The following WWOX variants were observed in gnomAD, a reference collection of about 807,000 sequenced individuals.
The protein encoded by WWOX is WW domain containing oxidoreductase, also known as WW domain-containing oxidoreductase.
In WWOX, 69 loss-of-function variants were observed where a neutral mutation model predicts 46.2. The ratio of observed to expected loss-of-function variants is 1.49; its 90% confidence interval spans 1.23 to 1.82. The LOEUF is 1.82. WWOX is among the 40% of genes most tolerant of loss of function. WWOX has a pLI of 0.00. For missense variants in WWOX, 919 were observed against 542.6 expected (o/e 1.69, Z -6.89); for synonymous variants, 359 against 202.6 (o/e 1.77, Z -6.56).
At chr16:78,209,204 A>C (rs1346425011) in intron 5 of WWOX, among the ~76,000 whole-genome samples, 1 of 151,936 alleles carries the variant, frequency 6.6e-6, no homozygotes, top group Non-Finnish European at 1.5e-5. Flanking sequence ...AAATAAGTTT[A>C]CATTTGTTGT....
At chr16:78,570,850 A>C (rs1042803049) in intron 8 of WWOX, among the ~76,000 whole-genome samples, 1 of 152,316 alleles carries the variant, frequency 6.6e-6, no homozygotes, top group South Asian at 2.1e-4. Context: ...GGGCGGGGCA[A>C]GCTTTGGAAA....
intron 8 of WWOX, among the ~76,000 whole-genome samples, chr16:78,618,428 C>T (rs2046084000): frequency 6.6e-6 from 1 of 152,188 alleles, no homozygotes; most frequent in Non-Finnish European, 1.5e-5. Flanking sequence ...AGATGACCAT[C>T]TTCTCTGTCT....
intron 8 of WWOX, among the ~76,000 whole-genome samples, chr16:78,709,498 A>G (rs2048393624): frequency 6.6e-6 from 1 of 152,158 alleles, no homozygotes; most frequent in Non-Finnish European, 1.5e-5. Context: ...TCTCTGACAC[A>G]GGCCCTCTCA....
chr16:78,623,077 T>C (rs1326858158), intron 8 of WWOX, among the ~76,000 whole-genome samples: 19 of 151,736 alleles, frequency 1.3e-4, no homozygotes, highest in Admixed American at 1.2e-3. Flanking sequence ...TGATTGACCA[T>C]CCCCAGTCAA....
chr16:78,466,929 G>C (rs2084093118), intron 8 of WWOX, among the ~76,000 whole-genome samples: 1 of 144,212 alleles, frequency 6.9e-6, no homozygotes, highest in East Asian at 1.9e-4. Context: ...AAATAATTGG[G>C]TTGTATGTAA....
At chr16:78,185,914 C>T (rs147937054) in intron 5 of WWOX, among the ~76,000 whole-genome samples, 1 of 152,192 alleles carries the variant, frequency 6.6e-6, no homozygotes, top group Admixed American at 6.5e-5. Flanking sequence ...GATCCACCCG[C>T]CTCGGCCTCC....
intron 8 of WWOX, among the ~76,000 whole-genome samples, chr16:79,000,188 G>C (rs992397613): frequency 6.6e-6 from 1 of 152,124 alleles, no homozygotes; most frequent in Non-Finnish European, 1.5e-5. Context: ...CTCCGAAGCT[G>C]CGTTCACACG....
At chr16:78,219,471 G>T (rs559669600) in intron 5 of WWOX, among the ~76,000 whole-genome samples, 1 of 152,242 alleles carries the variant, frequency 6.6e-6, no homozygotes, top group Non-Finnish European at 1.5e-5. Context: ...AAAGTGACAG[G>T]AAGAGACTCT....
chr16:78,951,112 C>G (rs746327853), intron 8 of WWOX, among the ~76,000 whole-genome samples: 3 of 152,204 alleles, frequency 2.0e-5, no homozygotes, highest in African/African-American at 4.8e-5. Context: ...AAACACAGCC[C>G]TAACTTGCTT....
intron 8 of WWOX, among the ~76,000 whole-genome samples, chr16:78,933,532 G>A (rs1241937572): frequency 2.0e-5 from 3 of 152,234 alleles, no homozygotes; most frequent in African/African-American, 7.2e-5. Context: ...CGTCGGAGGA[G>A]CCAGTGTGAA....
chr16:79,167,964 A>C (rs950221338), intron 8 of WWOX, among the ~76,000 whole-genome samples: 2 of 152,180 alleles, frequency 1.3e-5, no homozygotes, highest in African/African-American at 4.8e-5. Flanking sequence ...TATACCACAT[A>C]AAAGGAATCA....
chr16:79,000,064 C>G (rs1348050131), intron 8 of WWOX, among the ~76,000 whole-genome samples: 4 of 152,154 alleles, frequency 2.6e-5, no homozygotes, highest in Admixed American at 2.0e-4. Context: ...TCTCTTCAGG[C>G]TCCTGGGATA....
rs765590833 is a variant in WWOX, at chr16:78,425,027, G to A, written c.763G>A (p.Val255Ile). The part of the protein sequence containing the change: ...DVLCRSAPAR[V>I]IVVSSESHRF... Reference sequence around the variant, plus strand: ...TTTGTGCCGCTCAGCTCCTGCCCGTGTCATTGTGGTCTCCTCAGAGTCCCA... The same window carrying A: ...TTTGTGCCGCTCAGCTCCTGCCCGTATCATTGTGGTCTCCTCAGAGTCCCA... The change falls in exon 7 of 9, where the codon GTC (valine) becomes ATC (isoleucine). Residue 255 changes from valine to isoleucine, a missense_variant. Coordinates refer to ENST00000566780, the MANE Select transcript of WWOX (RefSeq NM_016373.4). 2.3e-5 allele frequency: 37 copies of A among 1,613,794 alleles called. No individual in the cohort carries two copies. The highest frequency in any genetic ancestry group is 5.5e-5 in the South Asian group (5 of 91,072).
intron 8 of WWOX, among the ~76,000 whole-genome samples, chr16:78,850,721 G>T (rs1331461622): frequency 6.6e-6 from 1 of 152,138 alleles, no homozygotes; most frequent in Non-Finnish European, 1.5e-5. Context: ...TGAACCAGGG[G>T]TGTGTGGACT....
chr16:78,214,062 G>C (rs564211933), intron 5 of WWOX, among the ~76,000 whole-genome samples: 13 of 152,278 alleles, frequency 8.5e-5, no homozygotes, highest in Admixed American at 2.6e-4. Flanking sequence ...TGGCCCATCA[G>C]ACTTACCTTG....
At chr16:78,968,146 C>T (rs111498299) in intron 8 of WWOX, among the ~76,000 whole-genome samples, 2 of 144,598 alleles carry the variant, frequency 1.4e-5, no homozygotes, top group African/African-American at 2.8e-5. Flanking sequence ...TGTGGCACAG[C>T]GCGTGGTCCG....
At chr16:78,737,629 C>T (rs866150519) in intron 8 of WWOX, among the ~76,000 whole-genome samples, 13 of 152,276 alleles carry the variant, frequency 8.5e-5, no homozygotes, top group Middle Eastern at 6.8e-3. Context: ...TTGTATCATT[C>T]TTCTGCCTTT....
intron 5 of WWOX, among the ~76,000 whole-genome samples, chr16:78,360,631 C>T (rs1327799556): frequency 4.5e-5 from 2 of 44,850 alleles, no homozygotes; most frequent in Non-Finnish European, 8.2e-5. Flanking sequence ...CACAGTACCT[C>T]TACTTTCTTG....
At chr16:78,882,602 AGTAGCCTCCCG>A (rs2151216955) in intron 8 of WWOX, among the ~76,000 whole-genome samples, 1 of 32,768 alleles carries the variant, frequency 3.1e-5, no homozygotes, top group Non-Finnish European at 6.1e-5. Context: ...TCGCCTCCCG[AGTAGCCTCCCG>A]AGTAGCTGGG....
Sources: gnomAD v4.1 joint callset for allele counts (sites outside exome capture counted in the v4.1 genomes callset) on GRCh38, gnomAD v4.1.1 for gene constraint, MANE v1.5 for transcripts, NCBI Gene and HGNC (gene_info 2026-07-23, HGNC 2026-07-21) for gene names.